The following NELL1 variants were observed in gnomAD, a reference collection of about 807,000 sequenced individuals.
NELL1 encodes neural EGFL like 1, also known as protein kinase C-binding protein NELL1.
NELL1 carries 76 observed loss-of-function variants against 107.4 expected under a neutral mutation model. The ratio of observed to expected loss-of-function variants is 0.71; its 90% CI spans 0.59 to 0.86. The LOEUF (loss-of-function observed/expected upper bound fraction) is 0.86. Ranked by LOEUF, NELL1 falls within the 40% of genes least tolerant of loss-of-function variation. The pLI is 0.00. For synonymous variants in NELL1, 353 were observed against 341.2 expected, an observed-to-expected ratio of 1.03 and a Z score of -0.38; for missense variants, 1,024 against 1,005.5, an observed-to-expected ratio of 1.02 and a Z score of -0.25.
At chr11:21,345,758 T>A (rs1185810564) in intron 14 of NELL1, among the ~76,000 whole-genome samples, 2 of 152,202 alleles carry the variant, frequency 1.3e-5, no homozygotes, top group Non-Finnish European at 2.9e-5. Flanking sequence ...GAGTTTTTCA[T>A]GTTCCAGAGC....
At chr11:20,786,035 ATTT>A (rs34120722) in intron 3 of NELL1, among the ~76,000 whole-genome samples, 416 of 144,058 alleles carry the variant, frequency 2.9e-3, no homozygotes, top group Middle Eastern at 3.7e-3. Flanking sequence ...AAACTTCAGA[ATTT>A]TTTTTTTTTT....
intron 3 of NELL1, among the ~76,000 whole-genome samples, chr11:20,811,119 A>G (rs1016373879): frequency 4.6e-5 from 7 of 152,066 alleles, no homozygotes; most frequent in Non-Finnish European, 1.0e-4. Flanking sequence ...TAGTAGTTTC[A>G]TAGTTTGGGT....
intron 2 of NELL1, among the ~76,000 whole-genome samples, chr11:20,679,668 TGA>T (rs950063288): frequency 7.9e-5 from 12 of 152,138 alleles, no homozygotes; most frequent in East Asian, 3.9e-4. Context: ...TTTCTTGATC[TGA>T]GTCTTAATCC....
At chr11:20,827,305 A>G (rs1376136650) in intron 3 of NELL1, among the ~76,000 whole-genome samples, 5 of 151,290 alleles carry the variant, frequency 3.3e-5, no homozygotes. Flanking sequence ...TTATTGTGTT[A>G]TCAAATGAAG....
intron 14 of NELL1, among the ~76,000 whole-genome samples, chr11:21,334,558 CTG>C (rs1458502950): frequency 6.6e-6 from 1 of 151,900 alleles, no homozygotes; most frequent in African/African-American, 2.4e-5. Flanking sequence ...CTCTGTCTCT[CTG>C]TTTTCCCCTA....
rs1848911332 is a variant in NELL1, at chr11:20,857,835, C to A, written c.506+10082C>A. Among the ~76,000 whole-genome samples the A allele has an allele frequency of 1.3e-5, 2 of 152,174 alleles. 1 individual carries two copies. Among genetic ancestry groups the A allele is most frequent in the South Asian group, 4.1e-4 (2 of 4,824 alleles). On this transcript the variant is annotated intron_variant, in intron 4 of 19. Transcript: ENST00000357134. ...CCATTTAAACGTGATGTGCATGTGACCACAGATAGTTTCAGTTAGGGCCTA... is the reference window on the plus strand; with the variant it reads ...CCATTTAAACGTGATGTGCATGTGAACACAGATAGTTTCAGTTAGGGCCTA...
Position 20,695,679 on chromosome 11 carries a change from T to C in NELL1, c.184+17619T>C, listed in dbSNP as rs527564287. On this transcript the variant is annotated intron_variant, in intron 2 of 19. Coordinates refer to ENST00000357134, the MANE Select transcript of NELL1 (RefSeq NM_006157.5). The stretch of plus-strand genomic sequence containing the variant: ...TGCTACTGGATTCTGTTTGCTCGTA[T>C]TTTGTTGAAGAATTTTGTGTCTATG... 2.6e-5 allele frequency among the ~76,000 whole-genome samples: 4 copies of C among 152,284 alleles called. No homozygotes were observed. The East Asian group carries it at 7.7e-4, about 29-fold the overall frequency.
chr11:21,406,070 AT>A (rs1421805278), intron 15 of NELL1, among the ~76,000 whole-genome samples: 2 of 152,034 alleles, frequency 1.3e-5, no homozygotes, highest in African/African-American at 4.8e-5. Context: ...GACAAACAAA[AT>A]TCATAGAGAA....
At chr11:21,073,947 G>C (rs922999786) in intron 12 of NELL1, among the ~76,000 whole-genome samples, 1 of 152,088 alleles carries the variant, frequency 6.6e-6, no homozygotes, top group African/African-American at 2.4e-5. Flanking sequence ...AAAGATTTAA[G>C]CTAAAGAATA....
At chr11:21,231,743 T>C (rs1443896502) in intron 14 of NELL1, among the ~76,000 whole-genome samples, 13 of 152,172 alleles carry the variant, frequency 8.5e-5, no homozygotes, top group Admixed American at 6.6e-4. Flanking sequence ...GTTCCTGATG[T>C]CCGCAGACTG....
chr11:21,197,032 C>T (rs59333716), intron 13 of NELL1, among the ~76,000 whole-genome samples: 13,775 of 151,516 alleles, frequency 0.091, 2,035 homozygotes, highest in African/African-American at 0.31. Context: ...CCACCATGCC[C>T]GGCTAATTTT....
intron 3 of NELL1, among the ~76,000 whole-genome samples, chr11:20,809,264 A>G (rs1857449644): frequency 6.6e-6 from 1 of 152,186 alleles, no homozygotes; most frequent in Non-Finnish European, 1.5e-5. Flanking sequence ...ATAATTGTAC[A>G]TATTTACGGG....
chr11:20,818,034 C>A (rs2134020974), intron 3 of NELL1, among the ~76,000 whole-genome samples: 1 of 152,172 alleles, frequency 6.6e-6, no homozygotes, highest in East Asian at 1.9e-4. Context: ...GAGAATGTCT[C>A]ACGTGCAGAT....
intron 14 of NELL1, among the ~76,000 whole-genome samples, chr11:21,326,510 T>G (rs1220547868): frequency 6.6e-6 from 1 of 152,120 alleles, no homozygotes; most frequent in Admixed American, 6.6e-5. Flanking sequence ...TAAAAAAATT[T>G]TAATAGTTAA....
intron 12 of NELL1, among the ~76,000 whole-genome samples, chr11:21,068,031 T>C (rs1392971700): frequency 2.8e-4 from 1 of 3,630 alleles, no homozygotes; most frequent in Non-Finnish European, 4.0e-4. Flanking sequence ...AGATGCCATC[T>C]CAAAAAAAAA....
intron 14 of NELL1, among the ~76,000 whole-genome samples, chr11:21,298,584 G>A (rs1354351727): frequency 6.6e-6 from 1 of 151,862 alleles, no homozygotes; most frequent in Admixed American, 6.6e-5. Flanking sequence ...TCCTTAGTCA[G>A]CCTTCCTAGA....
At chr11:21,017,991 G>C (rs1253649240) in intron 12 of NELL1, among the ~76,000 whole-genome samples, 1 of 151,980 alleles carries the variant, frequency 6.6e-6, no homozygotes, top group Non-Finnish European at 1.5e-5. Flanking sequence ...CTGTGTCTTT[G>C]CTGTTGCTAT....
At chr11:21,491,163 T>A (rs1854797561) in intron 15 of NELL1, among the ~76,000 whole-genome samples, 1 of 152,146 alleles carries the variant, frequency 6.6e-6, no homozygotes, top group African/African-American at 2.4e-5. Flanking sequence ...TTCACTCTGA[T>A]GGTAGTTTCT....
intron 12 of NELL1, among the ~76,000 whole-genome samples, chr11:20,987,228 T>G (rs1214775081): frequency 6.6e-6 from 1 of 152,208 alleles, no homozygotes. Flanking sequence ...GAAACCATCC[T>G]TAACTAACTT....
Sources: allele counts gnomAD v4.1 joint callset (sites outside exome capture counted in the v4.1 genomes callset), GRCh38; gene constraint gnomAD v4.1.1; transcripts MANE v1.5; gene names NCBI Gene and HGNC (gene_info 2026-07-23, HGNC 2026-07-21).